LRRTM4: variants seen among roughly 807,000 people sequenced by gnomAD.
LRRTM4 encodes leucine rich repeat transmembrane neuronal 4, also known as leucine-rich repeat transmembrane neuronal protein 4.
In LRRTM4, 25 loss-of-function variants were observed where a neutral mutation model predicts 47.6. The observed-to-expected ratio is 0.53, with a 90% CI of 0.38 to 0.73. LRRTM4 has a LOEUF of 0.73. LRRTM4 is among the 30% of genes least tolerant of loss of function. The probability of loss-of-function intolerance (pLI) is 0.00; values close to 1 mark genes in which losing one functional copy is unlikely to be tolerated. For missense variants in LRRTM4, 638 were observed against 713.4 expected, an observed-to-expected ratio of 0.89 and a Z score of 1.20; for synonymous variants, 311 against 269.5, an observed-to-expected ratio of 1.15 and a Z score of -1.51.
intron 3 of LRRTM4, among the ~76,000 whole-genome samples, chr2:77,415,970 T>C (rs1460373609): frequency 6.6e-6 from 1 of 152,142 alleles, no homozygotes; most frequent in Non-Finnish European, 1.5e-5. Flanking sequence ...GGTTACTAGA[T>C]GGTGACCAAA....
chr2:76,860,345 G>A (rs1270919282), intron 3 of LRRTM4, among the ~76,000 whole-genome samples: 2 of 152,136 alleles, frequency 1.3e-5, no homozygotes, highest in Admixed American at 1.3e-4. Flanking sequence ...ATTCGATGAT[G>A]TCTAAGAGTC....
Position 77,362,107 on chromosome 2 carries a change from A to AAGAG in LRRTM4, c.1551+156210_1551+156211insCTCT, listed in dbSNP as rs1466397830. ...AGTCTCAAAAAAGGAAAAGGAAAGA[A>AAGAG]AGAAAGAGAGAAAGAAAGAAAGAAA... On this transcript the variant is annotated intron_variant, in intron 3 of 3. Transcript: ENST00000409884. Among the ~76,000 whole-genome samples, 648 of 135,538 alleles carry AAGAG rather than the reference A, an allele frequency of 4.8e-3. 3 individuals carry two copies. The highest frequency in any genetic ancestry group is 0.017 in the African/African-American group (622 of 36,266). The allele number at this position is 135,538 out of a possible 152,430, so 88.9% of individuals were successfully genotyped here.
chr2:77,094,592 G>A (rs942714949), intron 3 of LRRTM4, among the ~76,000 whole-genome samples: 2 of 152,084 alleles, frequency 1.3e-5, no homozygotes, highest in Non-Finnish European at 2.9e-5. Flanking sequence ...ATCTACCAGT[G>A]GAACAGGACA....
At position 77,465,130 on chromosome 2, in the gene LRRTM4, T is replaced by C. The variant is rs1364968037; in HGVS notation, c.1551+53188A>G. On this transcript the variant is annotated intron_variant, in intron 3 of 3. Transcript: ENST00000409884. ...CACACTGTAATATAGTTTTTTTAAA[T>C]GGTCTTTCTGCCTCTGGTAACATAC... Among the ~76,000 whole-genome samples the C allele has an allele frequency of 2.0e-5, 3 of 152,128 alleles. No individual in the cohort carries two copies. The South Asian group carries it at 6.2e-4, about 31-fold the overall frequency.
At chr2:76,785,072 A>C (rs961952531) in intron 3 of LRRTM4, among the ~76,000 whole-genome samples, 1 of 152,090 alleles carries the variant, frequency 6.6e-6, no homozygotes, top group Non-Finnish European at 1.5e-5. Context: ...CTAGTCTGCA[A>C]TAAACTATTA....
chr2:76,792,283 T>G (rs1201973647), intron 3 of LRRTM4, among the ~76,000 whole-genome samples: 1 of 152,014 alleles, frequency 6.6e-6, no homozygotes, highest in Non-Finnish European at 1.5e-5. Context: ...CTTCACTGTT[T>G]AAGATGAAAG....
chr2:77,122,607 G>T (rs538825634), intron 3 of LRRTM4, among the ~76,000 whole-genome samples: 14 of 151,388 alleles, frequency 9.2e-5, no homozygotes, highest in East Asian at 5.8e-4. Flanking sequence ...CACCATTTCT[G>T]CAATCTGCAT....
At chr2:77,049,215 G>A (rs1816925) in intron 3 of LRRTM4, among the ~76,000 whole-genome samples, 30,090 of 140,134 alleles carry the variant, frequency 0.21, 3,359 homozygotes, top group East Asian at 0.29. Flanking sequence ...GGCAACTTAG[G>A]TTCATTCCTT....
intron 3 of LRRTM4, among the ~76,000 whole-genome samples, chr2:76,919,956 T>A (rs1427697032): frequency 6.6e-6 from 1 of 152,112 alleles, no homozygotes; most frequent in East Asian, 1.9e-4. Flanking sequence ...ATTCTCATAA[T>A]CTTTTACTCA....
chr2:76,890,778 C>G (rs114452154), intron 3 of LRRTM4, among the ~76,000 whole-genome samples: 3,423 of 151,984 alleles, frequency 0.023, 134 homozygotes, highest in African/African-American at 0.078. Flanking sequence ...GAGAATGCTA[C>G]AAAGTTTAAT....
intron 3 of LRRTM4, among the ~76,000 whole-genome samples, chr2:76,885,779 T>C (rs974070860): frequency 6.6e-6 from 1 of 152,120 alleles, no homozygotes; most frequent in Non-Finnish European, 1.5e-5. Flanking sequence ...ACATACTTTT[T>C]TTAAAAAAAG....
At chr2:76,771,583 C>G (rs1012694661) in intron 3 of LRRTM4, among the ~76,000 whole-genome samples, 1 of 149,310 alleles carries the variant, frequency 6.7e-6, no homozygotes, top group East Asian at 2.0e-4. Context: ...GGCTAAAACA[C>G]TTGCCTGAAG....
intron 3 of LRRTM4, among the ~76,000 whole-genome samples, chr2:77,421,876 A>G (rs751857309): frequency 6.6e-6 from 1 of 152,230 alleles, no homozygotes; most frequent in Non-Finnish European, 1.5e-5. Context: ...TTTGGTCAAC[A>G]ATGGACCACA....
At chr2:76,908,533 A>G (rs1342746508) in intron 3 of LRRTM4, among the ~76,000 whole-genome samples, 8 of 151,838 alleles carry the variant, frequency 5.3e-5, no homozygotes, top group Non-Finnish European at 1.2e-4. Flanking sequence ...TATTCAATTA[A>G]GAAAAGAGGA....
intron 3 of LRRTM4, among the ~76,000 whole-genome samples, chr2:76,821,044 T>G (rs1182431921): frequency 1.3e-5 from 2 of 151,696 alleles, no homozygotes; most frequent in African/African-American, 4.8e-5. Context: ...AGGGTCTATA[T>G]TCCACTGATC....
intron 3 of LRRTM4, among the ~76,000 whole-genome samples, chr2:77,471,323 G>T (rs1677180170): frequency 6.6e-6 from 1 of 152,096 alleles, no homozygotes; most frequent in Non-Finnish European, 1.5e-5. Context: ...TTCCAAGAAT[G>T]ACTACTAACC....
At chr2:76,904,259 A>G (rs1195542816) in intron 3 of LRRTM4, among the ~76,000 whole-genome samples, 1 of 152,240 alleles carries the variant, frequency 6.6e-6, no homozygotes, top group East Asian at 1.9e-4. Context: ...TGAGAAGAAT[A>G]ACAACAGCTG....
chr2:76,959,277 A>G (rs900524628), intron 3 of LRRTM4, among the ~76,000 whole-genome samples: 1 of 151,680 alleles, frequency 6.6e-6, no homozygotes, highest in African/African-American at 2.4e-5. Flanking sequence ...AACAAATGTC[A>G]TGGTGGAGAG....
At chr2:77,223,697 A>G (rs964202622) in intron 3 of LRRTM4, among the ~76,000 whole-genome samples, 3 of 152,300 alleles carry the variant, frequency 2.0e-5, no homozygotes, top group African/African-American at 7.2e-5. Flanking sequence ...CCACTACTCA[A>G]TGAAATAAAA....
Sources: gnomAD v4.1 joint callset for allele counts (sites outside exome capture counted in the v4.1 genomes callset) on GRCh38, gnomAD v4.1.1 for gene constraint, MANE v1.5 for transcripts, NCBI Gene and HGNC (gene_info 2026-07-23, HGNC 2026-07-21) for gene names.